USH2A: variants seen among roughly 807,000 people sequenced by gnomAD.
USH2A encodes the protein Usher syndrome 2A (autosomal recessive, mild).
Under a neutral mutation model 538.9 loss-of-function variants are expected in USH2A, and 443 were observed. That is an observed-to-expected ratio of 0.82 (90% confidence interval 0.76 to 0.89). USH2A has a LOEUF of 0.89. USH2A is among the 40% of genes least tolerant of loss of function. The probability of loss-of-function intolerance (pLI) is 0.00; values close to 1 mark genes in which losing one functional copy is unlikely to be tolerated. For missense variants in USH2A, 6,633 were observed against 6,324.8 expected, an observed-to-expected ratio of 1.05 and a Z score of -1.65; for synonymous variants, 2,413 against 2,273.5, an observed-to-expected ratio of 1.06 and a Z score of -1.75.
rs1378172593 is a variant in USH2A at position 215,674,565 on chromosome 1, G to A, written c.13346C>T (p.Ser4449Phe). The change falls in exon 63 of 72, where the codon TCT becomes TTT. Residue 4449 changes from serine to phenylalanine, a missense_variant. Physicochemically the swap from Ser to Phe is radical, Grantham distance 155. Transcript: ENST00000307340. ...TMEALPENMD[S>F]PTLQVTGSES... is the part of the protein sequence containing the mutation. ...TGAGCCTGTGACTTGCAATGTTGGA[G>A]AGTCCATGTTCTCTGGCAGGGCCTC... 1 of 1,614,016 alleles carries A rather than the reference G, an allele frequency of 6.2e-7. No individual in the cohort carries two copies. Among genetic ancestry groups the A allele is most frequent in the Non-Finnish European group, 8.5e-7 (1 of 1,179,956 alleles).
chr1:216,237,057 C>G (rs567934047), intron 13 of USH2A, among the ~76,000 whole-genome samples: 1 of 152,120 alleles, frequency 6.6e-6, no homozygotes, highest in Non-Finnish European at 1.5e-5. Flanking sequence ...CTTATATTCT[C>G]TGTTCCCATT....
At chr1:216,117,491 GC>G (rs1246339399) in intron 21 of USH2A, among the ~76,000 whole-genome samples, 2 of 152,072 alleles carry the variant, frequency 1.3e-5, no homozygotes, top group Middle Eastern at 3.4e-3. Context: ...TAACAGATCT[GC>G]ATGGTAACAA....
chr1:216,131,978 C>T (rs747016259), intron 21 of USH2A, among the ~76,000 whole-genome samples: 1 of 152,058 alleles, frequency 6.6e-6, no homozygotes, highest in African/African-American at 2.4e-5. Context: ...CAAGAGGACA[C>T]AGACCTAGTA....
chr1:215,720,461 T>A (rs1571619451), intron 61 of USH2A, among the ~76,000 whole-genome samples: 1 of 152,320 alleles, frequency 6.6e-6, no homozygotes, highest in East Asian at 1.9e-4. Flanking sequence ...CCCATAGTTT[T>A]GGGATAATAG....
rs111464913 is a variant in USH2A at position 215,643,819 on chromosome 1, T to C, written c.14792-3085A>G. Among the ~76,000 whole-genome samples the C allele has an allele frequency of 1.5e-3, 226 of 152,296 alleles. 1 individual carries two copies. Among genetic ancestry groups the C allele is most frequent in the African/African-American group, 5.3e-3 (221 of 41,554 alleles). Reference sequence around the variant, plus strand: ...CGCTGGGATTACAAGTGTGAGCCAGTGTGCCTGGCCACAGGAAGAAAATCT... The same window carrying C: ...CGCTGGGATTACAAGTGTGAGCCAGCGTGCCTGGCCACAGGAAGAAAATCT... On this transcript the variant is annotated intron_variant, in intron 67 of 71. Coordinates refer to ENST00000307340, the MANE Select transcript of USH2A (RefSeq NM_206933.4).
At chr1:216,060,394 A>AT (rs1212634893) in intron 30 of USH2A, among the ~76,000 whole-genome samples, 71 of 152,292 alleles carry the variant, frequency 4.7e-4, no homozygotes, top group African/African-American at 1.5e-3. Flanking sequence ...AACCCACTTC[A>AT]TTCAGGTAAA....
intron 35 of USH2A, among the ~76,000 whole-genome samples, chr1:215,973,640 ACTT>A (rs147870319): frequency 9.7e-5 from 13 of 134,628 alleles, no homozygotes; most frequent in South Asian, 2.4e-4. Flanking sequence ...CTCCAAATTT[ACTT>A]CTTCTTCTTC....
chr1:215,945,060 A>G (rs1339999953), intron 37 of USH2A, among the ~76,000 whole-genome samples: 1 of 152,142 alleles, frequency 6.6e-6, no homozygotes, highest in Admixed American at 6.6e-5. Context: ...AATTTTGCTT[A>G]AGAACCTAGA....
chr1:216,111,857 C>A (rs918180683), intron 21 of USH2A, among the ~76,000 whole-genome samples: 3 of 151,474 alleles, frequency 2.0e-5, no homozygotes, highest in Admixed American at 6.6e-5. Flanking sequence ...TATCAAATAT[C>A]CCTTCAGCTT....
chr1:215,721,121 C>T (rs114343119), intron 61 of USH2A, among the ~76,000 whole-genome samples: 31 of 152,206 alleles, frequency 2.0e-4, no homozygotes, highest in Non-Finnish European at 2.9e-4. Context: ...GTCACCCAGG[C>T]TGGAATGCAA....
At chr1:216,410,995 A>C (rs1229008463) in intron 3 of USH2A, among the ~76,000 whole-genome samples, 1 of 152,106 alleles carries the variant, frequency 6.6e-6, no homozygotes, top group Non-Finnish European at 1.5e-5. Flanking sequence ...TTTAGGAAAA[A>C]ATAATCTGTG....
chr1:216,418,628 T>C lies in USH2A; in HGVS notation c.537A>G (p.Ile179Met). 1 of 1,613,318 alleles carries C rather than the reference T, an allele frequency of 6.2e-7. No individual in the cohort carries two copies. The highest frequency in any genetic ancestry group is 8.5e-7 in the Non-Finnish European group (1 of 1,179,550). Reference protein sequence around the residue: ...VDGQIVFKLTISEKETMFYYR... With the variant: ...VDGQIVFKLTMSEKETMFYYR... ...AATAAAACATGGTCTCTTTCTCAGATATTGTAAGTTTGAACACAATCTGCC... is the reference window on the plus strand; with the variant it reads ...AATAAAACATGGTCTCTTTCTCAGACATTGTAAGTTTGAACACAATCTGCC... The change falls in exon 3 of 72, where the codon ATA becomes ATG. Residue 179 changes from isoleucine (I) to methionine (M), a missense_variant. Transcript: ENST00000307340.
intron 43 of USH2A, among the ~76,000 whole-genome samples, chr1:215,869,036 G>C (rs1185738170): frequency 6.6e-6 from 1 of 152,206 alleles, no homozygotes; most frequent in South Asian, 2.1e-4. Flanking sequence ...GTGCTGAATA[G>C]TCCACATAAT....
chr1:215,659,768 C>A (rs927659489), intron 64 of USH2A, among the ~76,000 whole-genome samples: 1 of 152,208 alleles, frequency 6.6e-6, no homozygotes, highest in African/African-American at 2.4e-5. Flanking sequence ...CCTAATCGGT[C>A]TGTCTTCACA....
chr1:216,329,519 G>T (rs903226825), intron 4 of USH2A, among the ~76,000 whole-genome samples: 2 of 152,126 alleles, frequency 1.3e-5, no homozygotes, highest in African/African-American at 4.8e-5. Context: ...AGATAATGTT[G>T]TCAAGGAAGC....
intron 21 of USH2A, 48 bp from the exon 22 acceptor site, chr1:216,097,261 T>C: frequency 6.2e-7 from 1 of 1,613,592 alleles, no homozygotes; most frequent in Non-Finnish European, 8.5e-7. Flanking sequence ...GTTTTGTTGA[T>C]TCTTTCTGAT....
intron 38 of USH2A, among the ~76,000 whole-genome samples, chr1:215,909,855 G>A (rs1571803609): frequency 6.6e-6 from 1 of 151,906 alleles, no homozygotes; most frequent in African/African-American, 2.4e-5. Flanking sequence ...ATGTAGGGAT[G>A]TAGAGAATGA....
rs1662224935 is a variant in USH2A at position 215,799,057 on chromosome 1, T to C, written c.9808A>G (p.Arg3270Gly). 1 of 1,614,092 alleles carries C rather than the reference T, an allele frequency of 6.2e-7. No homozygotes were observed. Among genetic ancestry groups the C allele is most frequent in the African/African-American group, 1.3e-5 (1 of 75,066 alleles). The change falls in exon 50 of 72, where the codon AGA (arginine) becomes GGA (glycine). Residue 3270 changes from arginine (R) to glycine (G), a missense_variant. By Grantham distance (125) the Arg-to-Gly change is moderately radical (BLOSUM62 -2). Transcript: ENST00000307340. ...SVGIGDSCCG[R>G]MPYSTSGNQI... ...TTTCCTGAGGTGGAGTACGGCATTC[T>C]GCCACAGCAGGAATCACCAATGCCA...
intron 3 of USH2A, among the ~76,000 whole-genome samples, chr1:216,381,964 A>C (rs1364916065): frequency 6.6e-6 from 1 of 152,214 alleles, no homozygotes; most frequent in African/African-American, 2.4e-5. Context: ...ACATAAAAGC[A>C]GACCTGGGCA....
Sources: allele counts gnomAD v4.1 joint callset (sites outside exome capture counted in the v4.1 genomes callset), GRCh38; gene constraint gnomAD v4.1.1; transcripts MANE v1.5; gene names NCBI Gene and HGNC (gene_info 2026-07-23, HGNC 2026-07-21).